The following DCHS2 variants were observed in gnomAD, a reference collection of about 807,000 sequenced individuals.
DCHS2 encodes dachsous cadherin-related 2.
A neutral mutation model predicts 182.4 loss-of-function variants in DCHS2; 142 were observed. The ratio of observed to expected loss-of-function variants is 0.78; its 90% CI spans 0.68 to 0.89. The LOEUF (loss-of-function observed/expected upper bound fraction) is 0.89. Among genes scored for constraint, DCHS2 ranks in the 40% least tolerant of loss-of-function variants. The pLI, the probability that DCHS2 is intolerant of heterozygous loss-of-function variation, is 0.00. For missense variants in DCHS2, 4,319 were observed against 4,198.6 expected, an observed-to-expected ratio of 1.03 and a Z score of -0.79; for synonymous variants, 1,740 against 1,663.3, an observed-to-expected ratio of 1.05 and a Z score of -1.12.
chr4:154,308,402 A>ACAAT, intron 10 of DCHS2, among the ~76,000 whole-genome samples: 1 of 152,174 alleles, frequency 6.6e-6, no homozygotes. Flanking sequence ...GGGTGCATTG[A>ACAAT]CAATCAATGT....
At chr4:154,435,412 C>T (rs1182030206) in intron 1 of DCHS2, among the ~76,000 whole-genome samples, 2 of 152,068 alleles carry the variant, frequency 1.3e-5, no homozygotes, top group African/African-American at 2.4e-5. Context: ...CTGTGTTACA[C>T]GGTGAAACCC....
intron 1 of DCHS2, among the ~76,000 whole-genome samples, chr4:154,386,331 T>C (rs1450502474): frequency 1.3e-5 from 2 of 152,186 alleles, no homozygotes; most frequent in Non-Finnish European, 2.9e-5. Flanking sequence ...ACTGGCTTGT[T>C]CCCACCTTAG....
intron 2 of DCHS2, among the ~76,000 whole-genome samples, chr4:154,367,823 C>T (rs1236090172): frequency 6.6e-6 from 1 of 152,030 alleles, no homozygotes; most frequent in Non-Finnish European, 1.5e-5. Context: ...GAACTGCTGC[C>T]ATGCAGAGAG....
intron 1 of DCHS2, among the ~76,000 whole-genome samples, chr4:154,441,813 A>G (rs1734026758): frequency 1.3e-5 from 2 of 152,254 alleles, no homozygotes; most frequent in South Asian, 2.1e-4. Context: ...ATAAACATAA[A>G]TGTACACATA....
Position 154,320,367 on chromosome 4 carries a change from A to T in DCHS2, c.5020+12T>A. ...TAAAATATTTTTAAAAGTGACATAT[A>T]GGGCACTGTACCTGATGACTCATCT... On this transcript the variant is annotated intron_variant, in intron 9 of 19. Transcript: ENST00000357232. The T allele has an allele frequency of 6.2e-7, 1 of 1,605,752 alleles. No individual in the cohort carries two copies. The highest frequency in any genetic ancestry group is 8.5e-7 in the Non-Finnish European group (1 of 1,175,776).
intron 1 of DCHS2, among the ~76,000 whole-genome samples, chr4:154,416,007 A>G (rs1372009158): frequency 6.6e-6 from 1 of 152,152 alleles, no homozygotes. Context: ...TGTATACAAA[A>G]TTCTTGCACG....
intron 3 of DCHS2, chr4:154,343,530 G>A: frequency 6.6e-7 from 1 of 1,519,372 alleles, no homozygotes; most frequent in Non-Finnish European, 8.8e-7. Flanking sequence ...ATCAGCACTT[G>A]CTGCTTCATC....
At chr4:154,359,581 A>G (rs1730024742) in intron 3 of DCHS2, among the ~76,000 whole-genome samples, 1 of 152,054 alleles carries the variant, frequency 6.6e-6, no homozygotes, top group Non-Finnish European at 1.5e-5. Context: ...GCTACAGGAT[A>G]TCAATACCAT....
chr4:154,272,722 G>A (rs767795866), intron 13 of DCHS2, among the ~76,000 whole-genome samples: 1 of 152,138 alleles, frequency 6.6e-6, no homozygotes, highest in Non-Finnish European at 1.5e-5. Flanking sequence ...CCAGTCACAG[G>A]TAGTATCTTT....
Position 154,323,767 on chromosome 4 carries a change from C to T in DCHS2, c.4019-1279G>A, listed in dbSNP as rs139434114. ...TGTATAAAATTACCTTCAGGCTATGCATATAGATGTATATAAAAAATGAAT... is the reference window on the plus strand; with the variant it reads ...TGTATAAAATTACCTTCAGGCTATGTATATAGATGTATATAAAAAATGAAT... On this transcript the variant is annotated intron_variant, in intron 7 of 19. Coordinates refer to ENST00000357232, the MANE Select transcript of DCHS2 (RefSeq NM_001358235.2). Among the ~76,000 whole-genome samples, 164 of 151,966 alleles carry T rather than the reference C, an allele frequency of 1.1e-3. 1 individual carries two copies. Among genetic ancestry groups the T allele is most frequent in the Non-Finnish European group, 5.4e-4 (37 of 67,996 alleles).
intron 3 of DCHS2, among the ~76,000 whole-genome samples, chr4:154,337,173 CTGAT>C (rs1382045907): frequency 2.0e-5 from 3 of 152,078 alleles, no homozygotes; most frequent in African/African-American, 7.2e-5. Context: ...ATTAAAGTCT[CTGAT>C]TGATTGAAAA....
intron 3 of DCHS2, among the ~76,000 whole-genome samples, chr4:154,365,513 C>T (rs1730306529): frequency 1.3e-5 from 2 of 151,806 alleles, no homozygotes; most frequent in Admixed American, 6.6e-5. Context: ...CTCTGTCACT[C>T]AGGCTGGAGG....
intron 1 of DCHS2, among the ~76,000 whole-genome samples, chr4:154,429,832 T>C (rs925621399): frequency 7.9e-5 from 12 of 152,204 alleles, no homozygotes; most frequent in African/African-American, 2.9e-4. Flanking sequence ...AATAAATCCC[T>C]GCTGGGCTTT....
Position 154,329,507 on chromosome 4 carries a change from A to C in DCHS2, c.3918+16T>G, listed in dbSNP as rs1018070605. The stretch of plus-strand genomic sequence containing the variant: ...CTTAAGATATTACAAATTCATTGCA[A>C]GGTTTCTTCACAAACCTTCACGTGT... On this transcript the variant is annotated intron_variant, in intron 6 of 19. Transcript: ENST00000357232. The C allele has an allele frequency of 6.2e-7, 1 of 1,606,858 alleles. No individual in the cohort carries two copies. The highest frequency in any genetic ancestry group is 1.7e-5 in the Admixed American group (1 of 59,756).
chr4:154,484,114 G>T (rs1728492204), intron 1 of DCHS2, among the ~76,000 whole-genome samples: 3 of 152,118 alleles, frequency 2.0e-5, no homozygotes, highest in Admixed American at 6.5e-5. Context: ...GGAAAACATG[G>T]TGTTATTTTT....
chr4:154,462,744 TTATC>T (rs1456982648), intron 1 of DCHS2, among the ~76,000 whole-genome samples: 1 of 152,150 alleles, frequency 6.6e-6, no homozygotes, highest in Admixed American at 6.5e-5. Flanking sequence ...GGGGAAAACA[TTATC>T]TAATAGATTT....
At chr4:154,287,686 T>C (rs1734466695) in intron 13 of DCHS2, among the ~76,000 whole-genome samples, 1 of 152,066 alleles carries the variant, frequency 6.6e-6, no homozygotes, top group African/African-American at 2.4e-5. Context: ...TTCATCATGT[T>C]GGCCAGGCTG....
chr4:154,311,416 G>A (rs935411644), intron 10 of DCHS2, among the ~76,000 whole-genome samples: 2 of 146,798 alleles, frequency 1.4e-5, no homozygotes, highest in Admixed American at 1.4e-4. Flanking sequence ...ATTTTTTTTT[G>A]TAAAGGTGAG....
chr4:154,330,907 A>AT (rs1736492343), intron 5 of DCHS2, among the ~76,000 whole-genome samples: 1 of 152,208 alleles, frequency 6.6e-6, no homozygotes, highest in Admixed American at 6.5e-5. Context: ...TGGCAAACAG[A>AT]TTTTTATTCA....
Sources: gnomAD v4.1 joint callset for allele counts (sites outside exome capture counted in the v4.1 genomes callset) on GRCh38, gnomAD v4.1.1 for gene constraint, MANE v1.5 for transcripts, NCBI Gene and HGNC (gene_info 2026-07-23, HGNC 2026-07-21) for gene names.